The following CTNNA3 variants were observed in gnomAD, a reference collection of about 807,000 sequenced individuals.
CTNNA3 encodes catenin alpha-3.
CTNNA3 carries 76 observed loss-of-function variants against 95.7 expected under a neutral mutation model. That is an observed-to-expected ratio of 0.79 (90% confidence interval 0.66 to 0.96). CTNNA3 has a LOEUF of 0.96. Among genes scored for constraint, CTNNA3 ranks in the 40% least tolerant of loss-of-function variants. CTNNA3 has a pLI of 0.00. For synonymous variants in CTNNA3, 431 were observed against 374.4 expected (o/e 1.15, Z -1.74); for missense variants, 1,191 against 1,089.8 (o/e 1.09, Z -1.31).
chr10:66,836,060 C>A (rs540004415), intron 7 of CTNNA3, among the ~76,000 whole-genome samples: 1 of 152,242 alleles, frequency 6.6e-6, no homozygotes, highest in East Asian at 1.9e-4. Flanking sequence ...TAATAACTGG[C>A]TTTCCAGGAA....
intron 7 of CTNNA3, among the ~76,000 whole-genome samples, chr10:66,978,095 C>T (rs1016778290): frequency 5.3e-5 from 8 of 150,626 alleles, no homozygotes; most frequent in South Asian, 2.1e-4. Context: ...CACACACATG[C>T]GATGACGTTC....
intron 5 of CTNNA3, among the ~76,000 whole-genome samples, chr10:67,355,917 C>A (rs1213362510): frequency 6.6e-6 from 1 of 151,958 alleles, no homozygotes; most frequent in Admixed American, 6.6e-5. Flanking sequence ...TTCTCCCAGC[C>A]TCCACACCAT....
At chr10:67,041,178 G>C (rs1279415578) in intron 7 of CTNNA3, among the ~76,000 whole-genome samples, 1 of 152,004 alleles carries the variant, frequency 6.6e-6, no homozygotes, top group Non-Finnish European at 1.5e-5. Context: ...TGTTCTGCCA[G>C]AGCAAATAGT....
chr10:66,567,785 A>T (rs767636817), intron 10 of CTNNA3, among the ~76,000 whole-genome samples: 2 of 151,924 alleles, frequency 1.3e-5, no homozygotes, highest in African/African-American at 2.4e-5. Context: ...TTCAATCTTT[A>T]CCCTCCTCAT....
chr10:66,690,971 C>T (rs1847506223), intron 9 of CTNNA3, among the ~76,000 whole-genome samples: 1 of 152,110 alleles, frequency 6.6e-6, no homozygotes, highest in Non-Finnish European at 1.5e-5. Context: ...TCTCCACATC[C>T]TCTCCAGCCA....
chr10:65,944,854 GTCTATCTATCTATCTATCTATCTA>G (rs56952134), intron 17 of CTNNA3, among the ~76,000 whole-genome samples: 39 of 144,950 alleles, frequency 2.7e-4, no homozygotes, highest in Non-Finnish European at 4.4e-4. Context: ...GAAAATATCT[GTCTATCTATCTATCTATCTATCTA>G]TCTATCTATC....
chr10:66,498,668 T>C (rs1433721106), intron 11 of CTNNA3, among the ~76,000 whole-genome samples: 1 of 152,148 alleles, frequency 6.6e-6, no homozygotes, highest in Non-Finnish European at 1.5e-5. Context: ...TTTAGCACTG[T>C]GGGAAATGAG....
At chr10:66,284,990 G>A (rs1404692970) in intron 12 of CTNNA3, among the ~76,000 whole-genome samples, 1 of 151,494 alleles carries the variant, frequency 6.6e-6, no homozygotes, top group African/African-American at 2.4e-5. Flanking sequence ...AATATTTAGG[G>A]AGCCAATATT....
At chr10:67,340,202 T>A (rs1842134426) in intron 5 of CTNNA3, among the ~76,000 whole-genome samples, 1 of 152,194 alleles carries the variant, frequency 6.6e-6, no homozygotes, top group Non-Finnish European at 1.5e-5. Context: ...GAGGGATTTA[T>A]AAGTTTGCTT....
chr10:66,170,645 C>T (rs1037959854), intron 13 of CTNNA3, among the ~76,000 whole-genome samples: 1 of 150,512 alleles, frequency 6.6e-6, no homozygotes, highest in African/African-American at 2.5e-5. Flanking sequence ...AAAAAAGGCA[C>T]CAAGTAGGGA....
intron 12 of CTNNA3, among the ~76,000 whole-genome samples, chr10:66,289,062 C>T (rs1008738523): frequency 6.6e-6 from 1 of 151,944 alleles, no homozygotes; most frequent in Non-Finnish European, 1.5e-5. Context: ...TGGGATTCTA[C>T]AGCTGATGAA....
intron 11 of CTNNA3, among the ~76,000 whole-genome samples, chr10:66,508,517 A>G (rs1162689378): frequency 2.0e-5 from 3 of 151,978 alleles, no homozygotes; most frequent in Non-Finnish European, 4.4e-5. Flanking sequence ...ATGAGCCACA[A>G]TTTTGGTACT....
intron 13 of CTNNA3, among the ~76,000 whole-genome samples, chr10:66,252,833 A>C (rs2090614892): frequency 6.6e-6 from 1 of 152,206 alleles, no homozygotes; most frequent in African/African-American, 2.4e-5. Flanking sequence ...AAATATTAAC[A>C]TTCCTTTAAA....
chr10:66,059,761 T>C (rs1161470954), intron 15 of CTNNA3, among the ~76,000 whole-genome samples: 5 of 152,138 alleles, frequency 3.3e-5, no homozygotes, highest in African/African-American at 1.2e-4. Context: ...TGTATAAATT[T>C]AGTAAAATTA....
intron 11 of CTNNA3, among the ~76,000 whole-genome samples, chr10:66,427,565 T>C (rs1281584212): frequency 6.6e-6 from 1 of 152,122 alleles, no homozygotes; most frequent in Non-Finnish European, 1.5e-5. Context: ...TACCCAGTTT[T>C]CTATTGGTAA....
intron 9 of CTNNA3, among the ~76,000 whole-genome samples, chr10:66,716,677 A>T (rs1363265412): frequency 6.6e-6 from 1 of 152,154 alleles, no homozygotes; most frequent in East Asian, 1.9e-4. Flanking sequence ...CCCAGGACAA[A>T]GACCTTTCTT....
intron 7 of CTNNA3, among the ~76,000 whole-genome samples, chr10:66,916,421 A>C (rs1156751510): frequency 6.6e-6 from 1 of 152,218 alleles, no homozygotes; most frequent in East Asian, 1.9e-4. Context: ...GCACCTAAAA[A>C]GAGTAATTGG....
At chr10:66,242,881 C>T (rs540115223) in intron 13 of CTNNA3, among the ~76,000 whole-genome samples, 5 of 152,328 alleles carry the variant, frequency 3.3e-5, no homozygotes, top group African/African-American at 9.6e-5. Flanking sequence ...AAAGTCTAAA[C>T]ATCCTTTAAT....
chr10:66,060,175 T>C (rs940154377), intron 15 of CTNNA3, among the ~76,000 whole-genome samples: 22 of 152,036 alleles, frequency 1.4e-4, no homozygotes, highest in African/African-American at 5.1e-4. Context: ...GGGTCTCAAG[T>C]GTTATGAAAG....
Sources: allele counts gnomAD v4.1 joint callset (sites outside exome capture counted in the v4.1 genomes callset), GRCh38; gene constraint gnomAD v4.1.1; transcripts MANE v1.5; gene names NCBI Gene and HGNC (gene_info 2026-07-23, HGNC 2026-07-21).